The following IGSF9B variants were observed in gnomAD, a reference collection of about 807,000 sequenced individuals.
IGSF9B encodes the protein immunoglobulin superfamily member 9B.
Under a neutral mutation model 143.7 loss-of-function variants are expected in IGSF9B, and 48 were observed. The ratio of observed to expected loss-of-function variants is 0.33; its 90% CI spans 0.26 to 0.42. The LOEUF is 0.42. IGSF9B is among the 20% of genes least tolerant of loss of function. IGSF9B has a pLI of 1.00. For synonymous variants in IGSF9B, 903 were observed against 833.1 expected (o/e 1.08, Z -1.44); for missense variants, 1,706 against 1,980.0 (o/e 0.86, Z 2.63).
Position 133,921,127 on chromosome 11 carries a change from CTCCATCTCGGCAGGG to C in IGSF9B, c.2583_2597del (p.Asp861_Met865del). The C allele has an allele frequency of 6.2e-7, 1 of 1,613,732 alleles. No homozygotes were observed. The highest frequency in any genetic ancestry group is 1.1e-5 in the South Asian group (1 of 91,084). ...CGATGCGCCTGCTCTTCAGCGAGGG[CTCCATCTCGGCAGGG>C]TCCATCACGAAGCGGCCGTCAGGGC... On this transcript the variant is annotated inframe_deletion, in exon 18 of 20. Coordinates refer to ENST00000533871, the MANE Select transcript of IGSF9B (RefSeq NM_001277285.4).
intron 12 of IGSF9B, 92 bp from the exon 13 acceptor site, chr11:133,927,183 G>T (rs1383472643): frequency 1.1e-5 from 11 of 1,018,982 alleles, no homozygotes; most frequent in Non-Finnish European, 1.4e-5. Flanking sequence ...CAGGGAGAAG[G>T]CACTGGTGGG....
intron 18 of IGSF9B, 117 bp from the exon 19 acceptor site, chr11:133,912,124 A>T: frequency 8.1e-7 from 1 of 1,239,254 alleles, no homozygotes; most frequent in Non-Finnish European, 1.1e-6. Flanking sequence ...AGTCCTACAG[A>T]GCCCAAGGTG....
chr11:133,956,922 C>A lies in IGSF9B; in HGVS notation c.-168G>T. 2 of 388,358 alleles carry A rather than the reference C, an allele frequency of 5.1e-6. No individual in the cohort carries two copies. Among genetic ancestry groups the A allele is most frequent in the Non-Finnish European group, 9.2e-6 (2 of 217,496 alleles). 24.1% of individuals were successfully genotyped at this position (388,358 alleles called of 1,614,324 possible). A position where few individuals can be genotyped will look rare whatever the true frequency, so the allele number is the denominator to read the frequency against. On this transcript the variant is annotated 5_prime_UTR_variant, in exon 1 of 20. Transcript: ENST00000533871. Reference sequence around the variant, plus strand: ...CTCTCCATCCCTCCTAGGCTCCGCTCGGCTCGGCGCGCGCCTCCCCGGCCC... The same window carrying A: ...CTCTCCATCCCTCCTAGGCTCCGCTAGGCTCGGCGCGCGCCTCCCCGGCCC...
At position 133,911,989 on chromosome 11, in the gene IGSF9B, G is replaced by A. The variant is rs1042537013; in HGVS notation, c.4002C>T (p.Pro1334=). The change falls in exon 19 of 20, where the codon CCC becomes CCT. Residue 1334 remains proline, a synonymous_variant. Transcript: ENST00000533871. ...GCCTCTCAGGCGCAGCAGCGTTCCCGGGTGCAGGTGGAAGTGTTCTGGAAA... is the reference window on the plus strand; with the variant it reads ...GCCTCTCAGGCGCAGCAGCGTTCCCAGGTGCAGGTGGAAGTGTTCTGGAAA... ...LPTSGTLPPA[P]GNAAAPERLE... The A allele has an allele frequency of 1.3e-5, 20 of 1,530,528 alleles. 1 individual carries two copies. Among genetic ancestry groups the A allele is most frequent in the South Asian group, 1.1e-4 (9 of 83,084 alleles). 94.8% of individuals were successfully genotyped at this position (1,530,528 alleles called of 1,614,324 possible). A position where few individuals can be genotyped will look rare whatever the true frequency, so the allele number is the denominator to read the frequency against.
At chr11:133,936,279 A>G (rs541969167) in intron 5 of IGSF9B, 85 bp from the exon 6 acceptor site, 6 of 1,297,774 alleles carry the variant, frequency 4.6e-6, no homozygotes, top group South Asian at 1.3e-5. Context: ...TCAGTGCCTC[A>G]GGAAGCGGTG....
intron 19 of IGSF9B, 142 bp downstream of exon 19, chr11:133,911,744 A>G (rs567393982): frequency 5.1e-6 from 3 of 591,992 alleles, no homozygotes; most frequent in East Asian, 6.6e-5. Context: ...GGACAAGAGA[A>G]GCTTGTGGAT....
rs544394263 is a variant in IGSF9B at position 133,927,944 on chromosome 11, C to G, written c.1632-853G>C. Reference sequence around the variant, plus strand: ...GGAAAGCAGTACAAAAAGAAGCCGGCGCCAAACGTCGGAGTCAGTGCACAG... The same window carrying G: ...GGAAAGCAGTACAAAAAGAAGCCGGGGCCAAACGTCGGAGTCAGTGCACAG... On this transcript the variant is annotated intron_variant, in intron 12 of 19. Transcript: ENST00000533871. Among the ~76,000 whole-genome samples the G allele has an allele frequency of 2.0e-5, 3 of 152,286 alleles. No homozygotes were observed. The East Asian group carries it at 5.8e-4, about 29-fold the overall frequency.
At position 133,906,075 on chromosome 11, in the gene IGSF9B, G is replaced by A. The variant is rs554750474; in HGVS notation, c.*2994C>T. 3.3e-5 allele frequency among the ~76,000 whole-genome samples: 5 copies of A among 152,312 alleles called. No homozygotes were observed. The South Asian group carries it at 6.2e-4, about 19-fold the overall frequency. ...TCTGAGTCGTGTCTACTGCAAGGCC[G>A]CCAGACCGTAAAAGGGGAAGTTTGG... On this transcript the variant is annotated 3_prime_UTR_variant, in exon 20 of 20. Transcript: ENST00000533871.
chr11:133,915,713 T>C (rs958962581), intron 18 of IGSF9B, among the ~76,000 whole-genome samples: 1 of 152,168 alleles, frequency 6.6e-6, no homozygotes, highest in African/African-American at 2.4e-5. Flanking sequence ...CCCCTGCATA[T>C]TTCCTTAGCT....
intron 3 of IGSF9B, among the ~76,000 whole-genome samples, chr11:133,939,591 A>G (rs1176367710): frequency 6.6e-6 from 1 of 152,240 alleles, no homozygotes; most frequent in African/African-American, 2.4e-5. Context: ...ATACCAAAAC[A>G]CTTCTTAAGA....
Position 133,901,983 on chromosome 11 carries a change from C to CACA in IGSF9B, c.*7085_*7086insTGT, listed in dbSNP as rs1939135463. 8.2e-6 allele frequency among the ~76,000 whole-genome samples: 1 copy of CACA among 122,570 alleles called. No individual in the cohort carries two copies. The highest frequency in any genetic ancestry group is 3.5e-5 in the African/African-American group (1 of 28,356). 80.4% of individuals were successfully genotyped at this position (122,570 alleles called of 152,430 possible). On this transcript the variant is annotated 3_prime_UTR_variant, in exon 20 of 20. Coordinates refer to ENST00000533871, the MANE Select transcript of IGSF9B (RefSeq NM_001277285.4). ...GCACACCGCATCACACACATGCACACCAGACACATCACACACACACACACA... is the reference window on the plus strand; with the variant it reads ...GCACACCGCATCACACACATGCACACACACAGACACATCACACACACACACACA...
chr11:133,921,338 G>A lies in IGSF9B; in HGVS notation c.2387C>T (p.Ser796Phe), dbSNP rs1939534193. 6.3e-7 allele frequency: 1 copy of A among 1,588,030 alleles called. No homozygotes were observed. The change falls in exon 18 of 20, where the codon TCC becomes TTC. Residue 796 changes from serine to phenylalanine, a missense_variant. Physicochemically the swap from Ser to Phe is radical, Grantham distance 155. This residue lies in a region of IGSF9B where 135 missense variants were observed against 181.3 expected (regional missense o/e 0.74). Coordinates refer to ENST00000533871, the MANE Select transcript of IGSF9B (RefSeq NM_001277285.4). Reference protein sequence around the residue: ...SIRTLRAPSESSDDQGQPAAK... With the variant: ...SIRTLRAPSEFSDDQGQPAAK... ...CGCGGGCTGGCCCTGGTCGTCGGAG[G>A]ATTCTGACGGCGCTCGGAGCGTGCG...
rs1204293876 is a variant in IGSF9B, at chr11:133,897,827, T to C, written c.*11242A>G. The stretch of plus-strand genomic sequence containing the variant: ...AGGTGTTCTGTGTGCAGCTGTACAA[T>C]TTGTTGGTTTGTCTTTAATGTTGAA... On this transcript the variant is annotated 3_prime_UTR_variant, in exon 20 of 20. Transcript: ENST00000533871. 1.3e-5 allele frequency: 2 copies of C among 152,242 alleles called. No homozygotes were observed. Among genetic ancestry groups the C allele is most frequent in the African/African-American group, 2.4e-5 (1 of 41,448 alleles). The allele number at this position is 152,242 out of a possible 1,614,324, so 9.4% of individuals were successfully genotyped here. A position where few individuals can be genotyped will look rare whatever the true frequency, so the allele number is the denominator to read the frequency against.
rs751449853 is a variant in IGSF9B, at chr11:133,920,666, G to A, written c.3059C>T (p.Ala1020Val). Residue 1020 changes from alanine (A) to valine (V), a missense_variant, in exon 18 of 20, where the codon GCA becomes GTA. Around this residue, in one of 7 missense-constraint regions of IGSF9B, gnomAD observed 880 missense variants for 762.9 expected, o/e 1.15. Coordinates refer to ENST00000533871, the MANE Select transcript of IGSF9B (RefSeq NM_001277285.4). Reference sequence around the variant, plus strand: ...AGTCAAGGGCAGCGTGCTGTTGGATGCATTCTCTCCATTCTCCTCGGGGAT... The same window carrying A: ...AGTCAAGGGCAGCGTGCTGTTGGATACATTCTCTCCATTCTCCTCGGGGAT... Reference protein sequence around the residue: ...PTIPEENGENASNSTLPLTQT... With the variant: ...PTIPEENGENVSNSTLPLTQT... 1.9e-6 allele frequency: 3 copies of A among 1,613,538 alleles called. No individual in the cohort carries two copies. The highest frequency in any genetic ancestry group is 2.2e-5 in the South Asian group (2 of 91,086).
At position 133,901,874 on chromosome 11, in the gene IGSF9B, C is replaced by T. The variant is rs1029818990; in HGVS notation, c.*7195G>A. On this transcript the variant is annotated 3_prime_UTR_variant, in exon 20 of 20. Transcript: ENST00000533871. ...ACGCACCACACACGCACCACACACG[C>T]ACCACACACACACACAACACACACA... 1.1e-4 allele frequency among the ~76,000 whole-genome samples: 15 copies of T among 141,902 alleles called. No individual in the cohort carries two copies. The highest frequency in any genetic ancestry group is 2.9e-4 in the African/African-American group (11 of 38,094). 93.1% of individuals were successfully genotyped at this position (141,902 alleles called of 152,430 possible). A position where few individuals can be genotyped will look rare whatever the true frequency, so the allele number is the denominator to read the frequency against.
intron 4 of IGSF9B, 120 bp from the exon 5 acceptor site, chr11:133,937,613 TG>T (rs1004746502): frequency 3.1e-5 from 31 of 998,530 alleles, no homozygotes; most frequent in Non-Finnish European, 4.3e-5. Flanking sequence ...CAGATGCATC[TG>T]GGGGACACGA....
At chr11:133,943,610 T>C (rs1939991686) in intron 3 of IGSF9B, among the ~76,000 whole-genome samples, 1 of 152,192 alleles carries the variant, frequency 6.6e-6, no homozygotes, top group Non-Finnish European at 1.5e-5. Flanking sequence ...TGAGCTGTAA[T>C]AACTGACGCC....
intron 7 of IGSF9B, among the ~76,000 whole-genome samples, chr11:133,935,281 G>C (rs1939802209): frequency 1.3e-5 from 2 of 152,258 alleles, no homozygotes; most frequent in South Asian, 2.1e-4. Context: ...GAGAGCAACT[G>C]ATTCTGGGCA....
chr11:133,944,837 C>A (rs1489702405), intron 2 of IGSF9B, among the ~76,000 whole-genome samples: 1 of 152,222 alleles, frequency 6.6e-6, no homozygotes, highest in Non-Finnish European at 1.5e-5. Flanking sequence ...TCCAGGACTA[C>A]TGGCTCACCC....
Sources: gnomAD v4.1 joint callset for allele counts (sites outside exome capture counted in the v4.1 genomes callset) on GRCh38, gnomAD v4.1.1 for gene constraint, gnomAD v4.1.1 regional missense constraint, MANE v1.5 for transcripts, NCBI Gene and HGNC (gene_info 2026-07-23, HGNC 2026-07-21) for gene names.